CLASP2: variants seen among roughly 807,000 people sequenced by gnomAD.
CLASP2 encodes CLIP-associating protein 2.
In CLASP2, 47 loss-of-function variants were observed where a neutral mutation model predicts 194.4. That is an observed-to-expected ratio of 0.24 (90% CI 0.19 to 0.31). The LOEUF (loss-of-function observed/expected upper bound fraction) is 0.31, where lower values mean the gene tolerates loss of function less well. Among genes scored for constraint, CLASP2 ranks in the 10% least tolerant of loss-of-function variants. CLASP2 has a pLI of 1.00. For missense variants in CLASP2, 1,445 were observed against 1,823.6 expected (o/e 0.79, Z 3.78); for synonymous variants, 619 against 633.5 (o/e 0.98, Z 0.34).
At chr3:33,608,145 G>A (rs1211434962) in intron 14 of CLASP2, among the ~76,000 whole-genome samples, 1 of 152,126 alleles carries the variant, frequency 6.6e-6, no homozygotes, top group Non-Finnish European at 1.5e-5. Flanking sequence ...CTTGACCAAT[G>A]ACATCTGACA....
At chr3:33,577,364 T>A (rs1441674843) in intron 23 of CLASP2, 10 of 887,566 alleles carry the variant, frequency 1.1e-5, no homozygotes, top group South Asian at 4.6e-5. Flanking sequence ...ACACTGGTGT[T>A]ATTCTTTATA....
At chr3:33,686,966 CCT>C (rs1399178722) in intron 5 of CLASP2, 92 bp downstream of exon 5, 3 of 670,260 alleles carry the variant, frequency 4.5e-6, no homozygotes, top group Non-Finnish European at 4.9e-6. Context: ...CCCCCTCCAC[CCT>C]CTCTCTTCTT....
chr3:33,660,932 AAAG>A (rs1407612946), intron 7 of CLASP2, among the ~76,000 whole-genome samples: 1 of 152,218 alleles, frequency 6.6e-6, no homozygotes, highest in Non-Finnish European at 1.5e-5. Flanking sequence ...GTGCAGAAAT[AAAG>A]AAGAAGTTGA....
intron 37 of CLASP2, 79 bp from the exon 38 acceptor site, chr3:33,501,847 A>C (rs1009347760): frequency 2.3e-6 from 2 of 883,170 alleles, no homozygotes; most frequent in Non-Finnish European, 3.8e-6. Context: ...CAGAAGATGC[A>C]GCTGAAAGAT....
At chr3:33,669,395 C>G (rs1008201686) in intron 6 of CLASP2, among the ~76,000 whole-genome samples, 5 of 151,876 alleles carry the variant, frequency 3.3e-5, no homozygotes, top group African/African-American at 1.2e-4. Context: ...AATTTCTACT[C>G]ATAAAGAAAA....
At chr3:33,611,092 T>C (rs1200856715) in intron 13 of CLASP2, among the ~76,000 whole-genome samples, 1 of 152,084 alleles carries the variant, frequency 6.6e-6, no homozygotes, top group Non-Finnish European at 1.5e-5. Flanking sequence ...AGGAAGGCCA[T>C]TAAGGGAGAG....
At chr3:33,671,610 C>G (rs1400909186) in intron 6 of CLASP2, among the ~76,000 whole-genome samples, 3 of 152,286 alleles carry the variant, frequency 2.0e-5, no homozygotes, top group Middle Eastern at 3.4e-3. Flanking sequence ...GGGTACAGCG[C>G]ACCGTGCACG....
rs189452211 is a variant in CLASP2, at chr3:33,511,691, T to C, written c.4111-927A>G. ...TACCAGAGTCTGTAATCTCTAAAGATAGTCTTAAGAACACGTAAAAATAAA... is the reference window on the plus strand; with the variant it reads ...TACCAGAGTCTGTAATCTCTAAAGACAGTCTTAAGAACACGTAAAAATAAA... On this transcript the variant is annotated intron_variant, in intron 36 of 38. Transcript: ENST00000682230. Among the ~76,000 whole-genome samples the C allele has an allele frequency of 4.3e-4, 66 of 151,918 alleles. 1 individual carries two copies. The East Asian group carries it at 0.012, about 28-fold the overall frequency.
chr3:33,574,752 A>AT (rs1286303350), intron 24 of CLASP2, among the ~76,000 whole-genome samples: 1 of 152,150 alleles, frequency 6.6e-6, no homozygotes. Context: ...TGTTCTTCCT[A>AT]TTTGGATCCT....
At chr3:33,614,767 T>G (rs1401446299) in intron 12 of CLASP2, among the ~76,000 whole-genome samples, 1 of 151,674 alleles carries the variant, frequency 6.6e-6, no homozygotes, top group African/African-American at 2.4e-5. Flanking sequence ...ATTACAGGAG[T>G]GAGCCAGGAG....
intron 8 of CLASP2, chr3:33,644,472 C>G (rs2081934291): frequency 2.9e-6 from 1 of 350,230 alleles, no homozygotes; most frequent in Non-Finnish European, 5.4e-6. Context: ...TTAAAAAAAA[C>G]AAAAAAACCC....
chr3:33,617,100 C>T (rs1401562785), intron 12 of CLASP2, among the ~76,000 whole-genome samples: 4 of 148,920 alleles, frequency 2.7e-5, no homozygotes, highest in Non-Finnish European at 4.5e-5. Context: ...AAAAAAAAGC[C>T]TGAAACGGGA....
intron 2 of CLASP2, among the ~76,000 whole-genome samples, chr3:33,694,914 G>A (rs575951480): frequency 6.6e-6 from 1 of 152,072 alleles, no homozygotes; most frequent in African/African-American, 2.4e-5. Context: ...CTGCACTCCA[G>A]CCTGGGTGAC....
Position 33,560,878 on chromosome 3 carries a change from G to A in CLASP2, c.2860C>T (p.Leu954=). 1 of 1,613,766 alleles carries A rather than the reference G, an allele frequency of 6.2e-7. No individual in the cohort carries two copies. The highest frequency in any genetic ancestry group is 8.5e-7 in the Non-Finnish European group (1 of 1,179,792). The stretch of plus-strand genomic sequence containing the variant: ...AGCAAATCAGCACCCATTTTTTTTA[G>A]TAGTTGTGTCAGCAGTACAAACAAC... The part of the protein sequence containing the change: ...DWLFVLLTQL[L]KKMGADLLGS... Residue 954 remains leucine, a synonymous_variant, in exon 28 of 39, where the codon CTA becomes TTA. Coordinates refer to ENST00000682230, the MANE Select transcript of CLASP2 (RefSeq NM_001365631.1).
In CLASP2 at chr3:33,717,738, G is replaced by A. The variant is rs2093363731; in HGVS notation, c.195+70C>T. On this transcript the variant is annotated intron_variant, in intron 1 of 38. Transcript: ENST00000682230. ...TTCGGACGGGAGCTTTCCCGGCCCG[G>A]CGCTCGCGTCCGGGATTAAAGGGCT... 7.9e-5 allele frequency: 119 copies of A among 1,498,376 alleles called. 1 individual carries two copies. In the South Asian group the frequency reaches 1.4e-3, roughly 18 times the overall value. The allele number at this position is 1,498,376 out of a possible 1,614,324, so 92.8% of individuals were successfully genotyped here.
intron 37 of CLASP2, among the ~76,000 whole-genome samples, chr3:33,507,412 T>C (rs1283922541): frequency 6.6e-6 from 1 of 152,248 alleles, no homozygotes. Context: ...TTCTCTGAAC[T>C]TCCTTTAAAC....
At chr3:33,603,983 C>T (rs978619399) in intron 17 of CLASP2, among the ~76,000 whole-genome samples, 171 bp downstream of exon 17, 3 of 152,106 alleles carry the variant, frequency 2.0e-5, no homozygotes, top group Admixed American at 6.5e-5. Context: ...CCTGGAACTT[C>T]GGGTTTTATT....
intron 36 of CLASP2, among the ~76,000 whole-genome samples, chr3:33,515,774 G>A (rs1274916548): frequency 6.6e-6 from 1 of 152,046 alleles, no homozygotes; most frequent in East Asian, 1.9e-4. Flanking sequence ...AAAACTAAAA[G>A]TGAAGTGAAG....
chr3:33,600,912 A>G (rs1357614654), intron 18 of CLASP2, among the ~76,000 whole-genome samples: 1 of 151,310 alleles, frequency 6.6e-6, no homozygotes, highest in Non-Finnish European at 1.5e-5. Flanking sequence ...ACTCAGAAAA[A>G]GTGTCCCATC....
Sources: gnomAD v4.1 joint callset for allele counts (sites outside exome capture counted in the v4.1 genomes callset) on GRCh38, gnomAD v4.1.1 for gene constraint, MANE v1.5 for transcripts, NCBI Gene and HGNC (gene_info 2026-07-23, HGNC 2026-07-21) for gene names.